Variants in SOX5 observed in about 807,000 individuals in gnomAD.
SOX5 encodes the protein transcription factor SOX-5.
Under a neutral mutation model 92.0 loss-of-function variants are expected in SOX5, and 9 were observed. The ratio of observed to expected loss-of-function variants is 0.10; its 90% CI spans 0.06 to 0.17. The LOEUF (loss-of-function observed/expected upper bound fraction) is 0.17, where lower values mean the gene tolerates loss of function less well. Among genes scored for constraint, SOX5 ranks in the 10% least tolerant of loss-of-function variants. The probability of loss-of-function intolerance (pLI) is 1.00; values close to 1 mark genes in which losing one functional copy is unlikely to be tolerated. For synonymous variants in SOX5, 344 were observed against 336.3 expected (o/e 1.02, Z -0.25); for missense variants, 642 against 944.5 (o/e 0.68, Z 4.20).
intron 3 of SOX5, among the ~76,000 whole-genome samples, chr12:24,228,927 T>C (rs1463906939): frequency 2.0e-5 from 3 of 152,216 alleles, no homozygotes; most frequent in Non-Finnish European, 4.4e-5. Context: ...TAAGAACTGC[T>C]ATAAATTAAT....
chr12:23,649,532 T>C (rs564090657), intron 7 of SOX5, among the ~76,000 whole-genome samples: 1 of 152,040 alleles, frequency 6.6e-6, no homozygotes, highest in African/African-American at 2.4e-5. Flanking sequence ...ATTTGAAAAA[T>C]TTTTCCCTAA....
chr12:24,312,848 C>T (rs1350380933), intron 2 of SOX5, among the ~76,000 whole-genome samples: 1 of 152,172 alleles, frequency 6.6e-6, no homozygotes, highest in East Asian at 1.9e-4. Context: ...TCTTAAAGGT[C>T]ACTGCTTGCA....
chr12:24,435,830 C>T (rs1939319812), intron 1 of SOX5, among the ~76,000 whole-genome samples: 1 of 152,092 alleles, frequency 6.6e-6, no homozygotes, highest in African/African-American at 2.4e-5. Context: ...TATATTGACA[C>T]AATTTTCCCA....
intron 1 of SOX5, among the ~76,000 whole-genome samples, chr12:24,537,938 A>T (rs1285226513): frequency 6.6e-6 from 1 of 152,202 alleles, no homozygotes; most frequent in Non-Finnish European, 1.5e-5. Context: ...TTCCACAGTT[A>T]CATTTCTTGT....
chr12:23,598,111 G>A (rs1358685236), intron 9 of SOX5, among the ~76,000 whole-genome samples: 3 of 152,134 alleles, frequency 2.0e-5, no homozygotes, highest in Non-Finnish European at 4.4e-5. Flanking sequence ...TTAGCCCTGT[G>A]TAGTAAGCCA....
chr12:23,848,374 C>G (rs1298845338), intron 2 of SOX5, among the ~76,000 whole-genome samples: 1 of 152,140 alleles, frequency 6.6e-6, no homozygotes, highest in Non-Finnish European at 1.5e-5. Context: ...GTATATTTCA[C>G]AAGTATTCTA....
intron 7 of SOX5, among the ~76,000 whole-genome samples, chr12:23,642,384 A>G (rs1308435513): frequency 6.6e-6 from 1 of 152,216 alleles, no homozygotes; most frequent in Non-Finnish European, 1.5e-5. Flanking sequence ...TATGGACTGC[A>G]CTGTGGTTGT....
rs1470734742 is a variant in SOX5 at position 23,529,588 on chromosome 12, A to C, written c.*4631T>G. The stretch of plus-strand genomic sequence containing the variant: ...GAATGCAAAAAAATAAAATAAAATA[A>C]ACAAAAAACAAAAACGAAAAACAGG... On this transcript the variant is annotated 3_prime_UTR_variant, in exon 15 of 15. Coordinates refer to ENST00000451604, the MANE Select transcript of SOX5 (RefSeq NM_006940.6). 3 of 152,164 alleles carry C rather than the reference A, an allele frequency of 2.0e-5. No individual in the cohort carries two copies. Among genetic ancestry groups the C allele is most frequent in the Non-Finnish European group, 4.4e-5 (3 of 68,018 alleles). 9.4% of individuals were successfully genotyped at this position (152,164 alleles called of 1,614,324 possible).
At chr12:23,862,107 C>A (rs1420137391) in intron 2 of SOX5, among the ~76,000 whole-genome samples, 1 of 151,712 alleles carries the variant, frequency 6.6e-6, no homozygotes, top group Non-Finnish European at 1.5e-5. Context: ...TGTTTCCATT[C>A]ACAGAGACTA....
intron 6 of SOX5, among the ~76,000 whole-genome samples, chr12:23,683,199 T>G (rs911629231): frequency 6.6e-6 from 1 of 151,890 alleles, no homozygotes; most frequent in Admixed American, 6.6e-5. Context: ...GTTAAACATA[T>G]TTCTAAATCC....
chr12:24,307,957 T>C (rs1467048348), intron 2 of SOX5, among the ~76,000 whole-genome samples: 1 of 152,040 alleles, frequency 6.6e-6, no homozygotes, highest in East Asian at 1.9e-4. Context: ...GGTCACGCAA[T>C]TGTTACACTG....
intron 4 of SOX5, among the ~76,000 whole-genome samples, chr12:23,969,409 A>C (rs541590648): frequency 2.2e-4 from 33 of 152,262 alleles, no homozygotes; most frequent in African/African-American, 7.7e-4. Flanking sequence ...AATCCTTCAG[A>C]GTCTTCAATT....
Position 23,533,793 on chromosome 12 carries a change from C to A in SOX5, c.*426G>T, listed in dbSNP as rs1939599555. 6.5e-6 allele frequency: 1 copy of A among 152,916 alleles called. No individual in the cohort carries two copies. Among genetic ancestry groups the A allele is most frequent in the Non-Finnish European group, 1.5e-5 (1 of 68,482 alleles). 9.5% of individuals were successfully genotyped at this position (152,916 alleles called of 1,614,324 possible). On this transcript the variant is annotated 3_prime_UTR_variant, in exon 15 of 15. Coordinates refer to ENST00000451604, the MANE Select transcript of SOX5 (RefSeq NM_006940.6). ...CCAAAAAACAAAACAAAACTTTTTT[C>A]TTTTTAAAAATTGTAGCACAAAACA...
rs10842254 is a variant in SOX5, at chr12:23,975,547, C to A, written c.-1-79523G>T. ...AGTTTGCATTCCAGAAGCTCTGGAACGCTCTATGTTTCCTTGTAGTGGGAC... is the reference window on the plus strand; with the variant it reads ...AGTTTGCATTCCAGAAGCTCTGGAAAGCTCTATGTTTCCTTGTAGTGGGAC... On this transcript the variant is annotated intron_variant, in intron 4 of 4. Transcript: ENST00000446891. 7.5e-4 allele frequency among the ~76,000 whole-genome samples: 114 copies of A among 151,970 alleles called. 1 individual carries two copies. Among genetic ancestry groups the A allele is most frequent in the Non-Finnish European group, 5.9e-5 (4 of 67,972 alleles).
intron 4 of SOX5, among the ~76,000 whole-genome samples, chr12:23,973,064 A>G (rs10743488): frequency 5.3e-5 from 8 of 152,074 alleles, no homozygotes; most frequent in Middle Eastern, 6.8e-3. Flanking sequence ...TGAGATAATA[A>G]AGTATTTTTC....
chr12:24,222,380 A>T (rs751950872), intron 3 of SOX5, among the ~76,000 whole-genome samples: 26 of 151,638 alleles, frequency 1.7e-4, no homozygotes, highest in Non-Finnish European at 3.1e-4. Context: ...TGAATGTGGA[A>T]TTTTTTTTTC....
intron 4 of SOX5, among the ~76,000 whole-genome samples, chr12:23,744,478 A>G (rs2093913328): frequency 6.6e-6 from 1 of 152,126 alleles, no homozygotes; most frequent in Non-Finnish European, 1.5e-5. Context: ...ATTATTACCA[A>G]TCAGCATTCT....
At chr12:23,545,937 G>A (rs1943056565) in intron 12 of SOX5, among the ~76,000 whole-genome samples, 2 of 151,966 alleles carry the variant, frequency 1.3e-5, no homozygotes, top group African/African-American at 4.8e-5. Flanking sequence ...CTACTTGGGA[G>A]GCTAAAGTGG....
At chr12:23,949,464 A>G in intron 1 of SOX5, 100 bp downstream of exon 1, 2 of 1,451,564 alleles carry the variant, frequency 1.4e-6, no homozygotes, top group Non-Finnish European at 1.9e-6. Flanking sequence ...AGGCTTCTCT[A>G]ACAAACACGT....
Sources: allele counts gnomAD v4.1 joint callset (sites outside exome capture counted in the v4.1 genomes callset), GRCh38; gene constraint gnomAD v4.1.1; transcripts MANE v1.5; gene names NCBI Gene and HGNC (gene_info 2026-07-23, HGNC 2026-07-21).